Variants in CDH8 observed in about 807,000 individuals in gnomAD.
CDH8 encodes cadherin 8.
A neutral mutation model predicts 68.1 loss-of-function variants in CDH8; 17 were observed. The observed-to-expected ratio is 0.25, with a 90% CI of 0.17 to 0.37. CDH8 has a LOEUF of 0.37. Among genes scored for constraint, CDH8 ranks in the 10% least tolerant of loss-of-function variants. The pLI, the probability that CDH8 is intolerant of heterozygous loss-of-function variation, is 1.00. For synonymous variants in CDH8, 372 were observed against 365.1 expected, an observed-to-expected ratio of 1.02 and a Z score of -0.21; for missense variants, 763 against 999.3, an observed-to-expected ratio of 0.76 and a Z score of 3.19.
rs532254490 is a variant in CDH8 at position 61,876,122 on chromosome 16, G to A, written c.548-18884C>T. Among the ~76,000 whole-genome samples, 128 of 152,150 alleles carry A rather than the reference G, an allele frequency of 8.4e-4. 1 individual carries two copies. Among genetic ancestry groups the A allele is most frequent in the African/African-American group, 2.5e-3 (105 of 41,536 alleles). ...AATCTCCTGACCTCGTGATCCACCC[G>A]CCTCAGCCTCCCAAAGTACTGGAAT... On this transcript the variant is annotated intron_variant, in intron 3 of 11. Transcript: ENST00000577390.
At chr16:61,693,600 T>C (rs888810252) in intron 10 of CDH8, 2 of 152,108 alleles carry the variant, frequency 1.3e-5, no homozygotes, top group Non-Finnish European at 2.9e-5. Context: ...CATAAAGGGA[T>C]AGGAGACAGT....
chr16:61,896,166 T>A, intron 3 of CDH8, among the ~76,000 whole-genome samples: 1 of 152,168 alleles, frequency 6.6e-6, no homozygotes, highest in African/African-American at 2.4e-5. Flanking sequence ...AACGCTAGTT[T>A]GGGATCCACA....
intron 3 of CDH8, among the ~76,000 whole-genome samples, chr16:61,886,579 AAAG>A (rs1267593049): frequency 6.6e-6 from 1 of 152,208 alleles, no homozygotes; most frequent in Non-Finnish European, 1.5e-5. Flanking sequence ...GGAAGTGCCT[AAAG>A]ATCAGTATGT....
chr16:61,965,613 T>C (rs927441697), intron 2 of CDH8, among the ~76,000 whole-genome samples: 1 of 152,198 alleles, frequency 6.6e-6, no homozygotes, highest in African/African-American at 2.4e-5. Flanking sequence ...AAGTAACTCC[T>C]GTCTCCTGCT....
chr16:61,649,001 C>T lies in CDH8; in HGVS notation c.*4607G>A, dbSNP rs886300537. On this transcript the variant is annotated 3_prime_UTR_variant, in exon 12 of 12. Coordinates refer to ENST00000577390, the MANE Select transcript of CDH8 (RefSeq NM_001796.5). ...CAATTATCATAAGAAGCAATAATTA[C>T]AAGGGCAAATAATACATTCAACACT... 2.6e-5 allele frequency: 4 copies of T among 151,994 alleles called. No homozygotes were observed. The East Asian group carries it at 7.7e-4, about 29-fold the overall frequency. The allele number at this position is 151,994 out of a possible 1,614,324, so 9.4% of individuals were successfully genotyped here.
At chr16:61,655,215 C>A (rs766046825) in intron 11 of CDH8, among the ~76,000 whole-genome samples, 4 of 152,114 alleles carry the variant, frequency 2.6e-5, no homozygotes, top group Non-Finnish European at 5.9e-5. Context: ...ACTGCCACCA[C>A]CATTATGCCT....
At chr16:61,670,043 G>T (rs530841245) in intron 10 of CDH8, among the ~76,000 whole-genome samples, 78 of 152,092 alleles carry the variant, frequency 5.1e-4, no homozygotes, top group African/African-American at 1.8e-3. Context: ...TTCAATAATG[G>T]AACTAATGAT....
intron 7 of CDH8, among the ~76,000 whole-genome samples, chr16:61,793,281 A>G (rs1961420755): frequency 6.6e-6 from 1 of 151,836 alleles, no homozygotes; most frequent in Non-Finnish European, 1.5e-5. Flanking sequence ...TCAGAGTTAC[A>G]TGTGCAGGAT....
chr16:61,937,491 TTC>T (rs1236364140), intron 2 of CDH8, among the ~76,000 whole-genome samples: 8 of 152,170 alleles, frequency 5.3e-5, no homozygotes, highest in African/African-American at 1.4e-4. Context: ...GAAATAAACT[TTC>T]TGTTTACTAT....
At chr16:61,712,938 C>A (rs968456989) in intron 10 of CDH8, among the ~76,000 whole-genome samples, 2 of 151,450 alleles carry the variant, frequency 1.3e-5, no homozygotes, top group African/African-American at 4.8e-5. Flanking sequence ...ACAATAGGAA[C>A]AGATATCATG....
chr16:62,002,766 A>T (rs914458957), intron 2 of CDH8, among the ~76,000 whole-genome samples: 5 of 152,210 alleles, frequency 3.3e-5, no homozygotes, highest in African/African-American at 1.2e-4. Context: ...GCTTAAAAAC[A>T]AATTTGGCCG....
At chr16:61,676,403 G>A (rs62049444) in intron 10 of CDH8, among the ~76,000 whole-genome samples, 23,969 of 151,774 alleles carry the variant, frequency 0.16, 2,060 homozygotes, top group African/African-American at 0.21. Context: ...AATTAAATAA[G>A]AGACACTAAA....
intron 2 of CDH8, among the ~76,000 whole-genome samples, chr16:61,984,045 G>A (rs1965585639): frequency 6.6e-6 from 1 of 151,998 alleles, no homozygotes; most frequent in African/African-American, 2.4e-5. Context: ...AGCCTCCTGA[G>A]TAGCTGGGAC....
At chr16:61,980,532 C>A (rs1405404114) in intron 2 of CDH8, among the ~76,000 whole-genome samples, 1 of 151,954 alleles carries the variant, frequency 6.6e-6, no homozygotes, top group Non-Finnish European at 1.5e-5. Flanking sequence ...TTATAAAGCC[C>A]TTAAAATTGG....
chr16:61,784,925 C>T (rs1000599844), intron 8 of CDH8, among the ~76,000 whole-genome samples: 16 of 151,924 alleles, frequency 1.1e-4, no homozygotes, highest in East Asian at 3.9e-4. Context: ...ATCTCTGGGA[C>T]GCATTCAAAG....
chr16:61,758,592 C>G (rs192467242), intron 8 of CDH8, among the ~76,000 whole-genome samples: 35 of 152,176 alleles, frequency 2.3e-4, no homozygotes, highest in African/African-American at 7.9e-4. Flanking sequence ...GCCACCACGC[C>G]TGGCTTATTT....
At chr16:61,833,788 T>C (rs908590578) in intron 4 of CDH8, among the ~76,000 whole-genome samples, 2 of 151,932 alleles carry the variant, frequency 1.3e-5, no homozygotes, top group Admixed American at 6.6e-5. Context: ...TAAAATTCCA[T>C]GCATCCTTTC....
intron 4 of CDH8, among the ~76,000 whole-genome samples, chr16:61,830,776 A>T (rs1962438774): frequency 6.6e-6 from 1 of 151,908 alleles, no homozygotes; most frequent in African/African-American, 2.4e-5. Context: ...TGAAGCAATT[A>T]GTAAAATTCT....
intron 2 of CDH8, among the ~76,000 whole-genome samples, chr16:61,962,764 A>G (rs1965180326): frequency 6.6e-6 from 1 of 152,180 alleles, no homozygotes; most frequent in Admixed American, 6.5e-5. Context: ...CCAACCTCCC[A>G]ACTCTGCCTG....
Sources: gnomAD v4.1 joint callset for allele counts (sites outside exome capture counted in the v4.1 genomes callset) on GRCh38, gnomAD v4.1.1 for gene constraint, MANE v1.5 for transcripts, NCBI Gene and HGNC (gene_info 2026-07-23, HGNC 2026-07-21) for gene names.